Variants in RIMS1 observed in about 807,000 individuals in gnomAD.
The protein encoded by RIMS1 is regulating synaptic membrane exocytosis protein 1.
Under a neutral mutation model 214.1 loss-of-function variants are expected in RIMS1, and 83 were observed. The observed-to-expected ratio is 0.39, with a 90% confidence interval of 0.32 to 0.47. RIMS1 has a LOEUF of 0.47. Ranked by LOEUF, RIMS1 falls within the 20% of genes least tolerant of loss-of-function variation. RIMS1 has a pLI of 0.99. For synonymous variants in RIMS1, 793 were observed against 786.8 expected (o/e 1.01, Z -0.13); for missense variants, 2,050 against 2,161.8 (o/e 0.95, Z 1.03).
At chr6:72,106,832 T>C (rs1032283172) in intron 4 of RIMS1, among the ~76,000 whole-genome samples, 3 of 152,222 alleles carry the variant, frequency 2.0e-5, no homozygotes, top group African/African-American at 7.2e-5. Context: ...GCTTAAATTG[T>C]TATTAGATAT....
chr6:72,370,489 C>G (rs2098181449), intron 29 of RIMS1, among the ~76,000 whole-genome samples: 2 of 152,162 alleles, frequency 1.3e-5, no homozygotes, highest in Admixed American at 1.3e-4. Flanking sequence ...AGTTCTTTAA[C>G]TTACCCCAGG....
At chr6:72,085,460 G>A (rs1413647626) in intron 2 of RIMS1, among the ~76,000 whole-genome samples, 2 of 152,094 alleles carry the variant, frequency 1.3e-5, no homozygotes, top group East Asian at 1.9e-4. Context: ...TTAAATATGT[G>A]TATATAACAT....
chr6:72,225,406 T>C (rs2059896257), intron 6 of RIMS1, among the ~76,000 whole-genome samples: 1 of 152,204 alleles, frequency 6.6e-6, no homozygotes, highest in Non-Finnish European at 1.5e-5. Context: ...GTCTTTGGGA[T>C]ATAGAGGCAG....
intron 31 of RIMS1, among the ~76,000 whole-genome samples, chr6:72,396,495 T>C (rs2098778827): frequency 6.6e-6 from 1 of 152,186 alleles, no homozygotes; most frequent in Non-Finnish European, 1.5e-5. Flanking sequence ...AACTTCTAAT[T>C]TACATATCCT....
intron 22 of RIMS1, 139 bp from the exon 23 acceptor site, chr6:72,274,210 A>G: frequency 1.8e-6 from 1 of 543,710 alleles, no homozygotes; most frequent in Non-Finnish European, 3.4e-6. Context: ...TATAACAGTG[A>G]AGATTTTAAA....
At chr6:71,943,426 T>C (rs1426077307) in intron 1 of RIMS1, among the ~76,000 whole-genome samples, 3 of 152,144 alleles carry the variant, frequency 2.0e-5, no homozygotes, top group Non-Finnish European at 4.4e-5. Flanking sequence ...TCATTCTGAG[T>C]GGGTTAGAAT....
rs1359099966 is a variant in RIMS1, at chr6:72,333,701, A to G, written c.4232A>G (p.Asn1411Ser). ...GGAGAGATGTACACACTGGAGCATA[A>G]TGACGGCAGCCAGTCAGACACAGCT... ...VSGEMYTLEH[N>S]DGSQSDTAVG... Residue 1411 changes from asparagine to serine, a missense_variant, in exon 29 of 34, where the codon AAT becomes AGT. By Grantham distance (46) the Asn-to-Ser change is conservative (BLOSUM62 1). Around this residue, in one of 6 missense-constraint regions of RIMS1, gnomAD observed 889 missense variants for 885.5 expected, o/e 1.00. Transcript: ENST00000521978. 2 of 1,595,420 alleles carry G rather than the reference A, an allele frequency of 1.3e-6. No individual in the cohort carries two copies. The highest frequency in any genetic ancestry group is 1.7e-6 in the Non-Finnish European group (2 of 1,171,018).
intron 6 of RIMS1, among the ~76,000 whole-genome samples, chr6:72,197,590 A>G (rs907230289): frequency 3.3e-5 from 5 of 152,244 alleles, no homozygotes; most frequent in African/African-American, 1.2e-4. Context: ...ACCAAAATTT[A>G]TAGCATTGAA....
chr6:72,362,724 T>G (rs1171174874), intron 29 of RIMS1, among the ~76,000 whole-genome samples: 3 of 152,220 alleles, frequency 2.0e-5, no homozygotes, highest in Non-Finnish European at 2.9e-5. Context: ...AAATTTTGTC[T>G]TCAAAGTTTG....
At chr6:72,133,645 A>G (rs1449729658) in intron 4 of RIMS1, among the ~76,000 whole-genome samples, 4 of 152,122 alleles carry the variant, frequency 2.6e-5, no homozygotes, top group Non-Finnish European at 5.9e-5. Context: ...GTAGTTTCAA[A>G]TCTCAGCTCA....
At position 71,973,766 on chromosome 6, in the gene RIMS1, C is replaced by T. The variant is rs539178069; in HGVS notation, c.245+4703C>T. On this transcript the variant is annotated intron_variant, in intron 2 of 33. Coordinates refer to ENST00000521978, the MANE Select transcript of RIMS1 (RefSeq NM_014989.7). The stretch of plus-strand genomic sequence containing the variant: ...CTGATAGATCCTAGCGAGAAGGGGC[C>T]GGCATACCTCCAAGGGCCAATAGGA... Among the ~76,000 whole-genome samples, 10 of 152,204 alleles carry T rather than the reference C, an allele frequency of 6.6e-5. No homozygotes were observed. In the South Asian group the frequency reaches 1.2e-3, roughly 19 times the overall value.
At chr6:72,196,104 C>G (rs1395418479) in intron 6 of RIMS1, among the ~76,000 whole-genome samples, 1 of 152,036 alleles carries the variant, frequency 6.6e-6, no homozygotes, top group Non-Finnish European at 1.5e-5. Context: ...CAAAGCCTAA[C>G]CATATCAAGA....
chr6:72,025,147 G>C (rs1198557951), intron 2 of RIMS1, among the ~76,000 whole-genome samples: 1 of 151,998 alleles, frequency 6.6e-6, no homozygotes, highest in Admixed American at 6.6e-5. Context: ...CAAGTGATCT[G>C]CCCGTCTTGC....
At chr6:72,255,936 T>C (rs1420977019) in intron 16 of RIMS1, among the ~76,000 whole-genome samples, 2 of 148,536 alleles carry the variant, frequency 1.3e-5, no homozygotes, top group Non-Finnish European at 3.0e-5. Flanking sequence ...TTCAGGAGGC[T>C]GAGGCAGGAG....
At chr6:71,954,871 C>CACCA (rs1554153800) in intron 1 of RIMS1, among the ~76,000 whole-genome samples, 5 of 147,308 alleles carry the variant, frequency 3.4e-5, no homozygotes, top group African/African-American at 1.2e-4. Context: ...CACACACACT[C>CACCA]CACACACACA....
At chr6:72,265,223 T>C (rs937921156) in intron 20 of RIMS1, among the ~76,000 whole-genome samples, 167 bp from the exon 21 acceptor site, 41 of 152,306 alleles carry the variant, frequency 2.7e-4, no homozygotes, top group African/African-American at 8.7e-4. Context: ...TAATGATATC[T>C]AAAATCGTTT....
Position 71,934,209 on chromosome 6 carries a change from A to G in RIMS1, c.165-34774A>G, listed in dbSNP as rs185053228. On this transcript the variant is annotated intron_variant, in intron 1 of 33. Transcript: ENST00000521978. ...AGCTTGACCCAACATTACCTCTGGTATTTGCTTCAGCAAATCATTTAAAAC... is the reference window on the plus strand; with the variant it reads ...AGCTTGACCCAACATTACCTCTGGTGTTTGCTTCAGCAAATCATTTAAAAC... 1.8e-3 allele frequency among the ~76,000 whole-genome samples: 274 copies of G among 152,316 alleles called. 1 individual carries two copies. Among genetic ancestry groups the G allele is most frequent in the African/African-American group, 6.2e-3 (259 of 41,584 alleles).
chr6:72,188,911 A>G (rs545890067), intron 6 of RIMS1, among the ~76,000 whole-genome samples: 2 of 152,354 alleles, frequency 1.3e-5, no homozygotes, highest in South Asian at 4.2e-4. Context: ...CAACACTGCA[A>G]TTCCCTTCTT....
chr6:72,313,788 T>G, intron 28 of RIMS1, 116 bp downstream of exon 28: 1 of 988,120 alleles, frequency 1.0e-6, no homozygotes, highest in Admixed American at 2.7e-5. Context: ...GTTAAGTATT[T>G]ATCGACTACT....
Sources: gnomAD v4.1 joint callset for allele counts (sites outside exome capture counted in the v4.1 genomes callset) on GRCh38, gnomAD v4.1.1 for gene constraint, gnomAD v4.1.1 regional missense constraint, MANE v1.5 for transcripts, NCBI Gene and HGNC (gene_info 2026-07-23, HGNC 2026-07-21) for gene names.